Variants in SFI1 observed in about 807,000 individuals in gnomAD.
SFI1 encodes SFI1 centrin binding protein.
SFI1 carries 195 observed loss-of-function variants against 207.5 expected under a neutral mutation model. The ratio of observed to expected loss-of-function variants is 0.94; its 90% CI spans 0.84 to 1.06. SFI1 has a LOEUF of 1.06. SFI1 is among the 50% of genes least tolerant of loss of function. The probability of loss-of-function intolerance (pLI) is 0.00; values close to 1 mark genes in which losing one functional copy is unlikely to be tolerated. For missense variants in SFI1, 1,634 were observed against 1,588.0 expected (o/e 1.03, Z -0.49); for synonymous variants, 630 against 598.9 (o/e 1.05, Z -0.76).
intron 8 of SFI1, among the ~76,000 whole-genome samples, chr22:31,563,997 A>G (rs868504926): frequency 4.4e-4 from 67 of 152,242 alleles, no homozygotes; most frequent in Admixed American, 1.4e-3. Flanking sequence ...GGTATTTCAA[A>G]CATAGAAACA....
intron 27 of SFI1, 63 bp downstream of exon 27, chr22:31,613,918 C>T: frequency 1.3e-6 from 2 of 1,510,398 alleles, no homozygotes; most frequent in East Asian, 4.6e-5. Context: ...GATGGCATAG[C>T]AGGGAGGAAA....
chr22:31,601,186 C>T (rs189368471), intron 15 of SFI1, among the ~76,000 whole-genome samples: 3 of 143,964 alleles, frequency 2.1e-5, no homozygotes, highest in Non-Finnish European at 4.5e-5. Context: ...TGCAGTGGCA[C>T]GATCTCGGCT....
chr22:31,579,537 G>A (rs145944738), intron 11 of SFI1, among the ~76,000 whole-genome samples: 1 of 151,938 alleles, frequency 6.6e-6, no homozygotes, highest in Non-Finnish European at 1.5e-5. Context: ...AGATGGTCTC[G>A]ATCTCCTGAC....
chr22:31,610,827 A>G (rs1003580555), intron 22 of SFI1, among the ~76,000 whole-genome samples: 2 of 152,094 alleles, frequency 1.3e-5, no homozygotes, highest in African/African-American at 4.8e-5. Flanking sequence ...GCCCAGCAGC[A>G]TTTTGCACGT....
At chr22:31,536,749 A>T (rs1355818979) in intron 4 of SFI1, among the ~76,000 whole-genome samples, 2 of 152,068 alleles carry the variant, frequency 1.3e-5, no homozygotes, top group Non-Finnish European at 2.9e-5. Context: ...ATTTATCTAT[A>T]TTTGACCCAT....
At chr22:31,570,728 C>A (rs1030911627) in intron 8 of SFI1, among the ~76,000 whole-genome samples, 2 of 151,822 alleles carry the variant, frequency 1.3e-5, no homozygotes, top group African/African-American at 4.8e-5. Context: ...ATAGAGAGAC[C>A]CCATCTGTTT....
intron 4 of SFI1, among the ~76,000 whole-genome samples, chr22:31,537,183 G>T (rs571631157): frequency 6.6e-6 from 1 of 152,268 alleles, no homozygotes; most frequent in Non-Finnish European, 1.5e-5. Flanking sequence ...GTCCTCATAG[G>T]TAACACTTCG....
In SFI1 at chr22:31,616,731, TCTTTC is replaced by T. The variant is rs750708503; in HGVS notation, c.3301-9_3301-5del. 1.8e-5 allele frequency: 28 copies of T among 1,528,286 alleles called. No homozygotes were observed. The highest frequency in any genetic ancestry group is 2.3e-5 in the Non-Finnish European group (26 of 1,141,442). 94.7% of individuals were successfully genotyped at this position (1,528,286 alleles called of 1,614,324 possible). A position where few individuals can be genotyped will look rare whatever the true frequency, so the allele number is the denominator to read the frequency against. On this transcript the variant is annotated splice_polypyrimidine_tract_variant and intron_variant, in intron 29 of 32. Coordinates refer to ENST00000400288, the MANE Select transcript of SFI1 (RefSeq NM_001007467.3). ...AGCTTCCTTGCTCAGCATCTACCCT[TCTTTC>T]CTTTGCAGGTGTCAGCACAGCGGGC...
rs1053759361 is a variant in SFI1, at chr22:31,615,107, C to T, written c.3128C>T (p.Thr1043Met). The T allele has an allele frequency of 8.1e-6, 13 of 1,606,170 alleles. No individual in the cohort carries two copies. The highest frequency in any genetic ancestry group is 3.4e-5 in the Admixed American group (2 of 58,964). ...GCTCAGCCAGCAGCCCCCTCCCTGACGCGGCCCTTCCTGGCAGAGGCCCCG... is the reference window on the plus strand; with the variant it reads ...GCTCAGCCAGCAGCCCCCTCCCTGATGCGGCCCTTCCTGGCAGAGGCCCCG... ...GMAQPAAPSL[T>M]RPFLAEAPTA... The change falls in exon 29 of 33, where the codon ACG becomes ATG. Residue 1043 changes from threonine (T) to methionine (M), a missense_variant. Physicochemically the swap from Thr to Met is moderately conservative, Grantham distance 81. Coordinates refer to ENST00000400288, the MANE Select transcript of SFI1 (RefSeq NM_001007467.3).
chr22:31,516,663 TAA>T (rs1223489006), intron 2 of SFI1, among the ~76,000 whole-genome samples: 1 of 150,578 alleles, frequency 6.6e-6, no homozygotes, highest in Non-Finnish European at 1.5e-5. Flanking sequence ...TACTAAAAAT[TAA>T]AAAGTCAGGC....
chr22:31,593,177 G>A (rs1316778327), intron 15 of SFI1, among the ~76,000 whole-genome samples: 1 of 150,746 alleles, frequency 6.6e-6, no homozygotes, highest in African/African-American at 2.5e-5. Context: ...CTGCCGGGCG[G>A]AGACGCTCCT....
At chr22:31,524,771 A>G (rs1314393811) in intron 2 of SFI1, among the ~76,000 whole-genome samples, 1 of 149,264 alleles carries the variant, frequency 6.7e-6, no homozygotes, top group Non-Finnish European at 1.5e-5. Flanking sequence ...TCTGTCAGAT[A>G]GTTTGCACAT....
Position 31,615,153 on chromosome 22 carries a change from C to T in SFI1, c.3174C>T (p.Ser1058=), listed in dbSNP as rs745568615. Residue 1058 remains serine (S), a synonymous_variant, in exon 29 of 33, where the codon AGC becomes AGT. Coordinates refer to ENST00000400288, the MANE Select transcript of SFI1 (RefSeq NM_001007467.3). Reference sequence around the variant, plus strand: ...CCCCGACAGCACTGGTCCCACACAGCCCCCTGCCTGGGGCCCTGTCAAGCG... The same window carrying T: ...CCCCGACAGCACTGGTCCCACACAGTCCCCTGCCTGGGGCCCTGTCAAGCG... ...AEAPTALVPH[S]PLPGALSSAP... The T allele has an allele frequency of 5.6e-6, 9 of 1,607,112 alleles. No individual in the cohort carries two copies. The Admixed American group carries it at 1.5e-4, about 27-fold the overall frequency.
intron 4 of SFI1, among the ~76,000 whole-genome samples, chr22:31,542,043 G>T (rs552257861): frequency 8.1e-5 from 12 of 149,024 alleles, no homozygotes; most frequent in Admixed American, 4.1e-4. Context: ...GGAGCTTGCA[G>T]TGAGCCGAGA....
chr22:31,577,329 G>A (rs1477474276), intron 10 of SFI1, among the ~76,000 whole-genome samples: 4 of 152,312 alleles, frequency 2.6e-5, no homozygotes, highest in South Asian at 2.1e-4. Context: ...GTGAGGAAAA[G>A]CATTCAAGAA....
chr22:31,520,385 A>G (rs923263042), intron 2 of SFI1, among the ~76,000 whole-genome samples: 2 of 152,070 alleles, frequency 1.3e-5, no homozygotes, highest in Non-Finnish European at 2.9e-5. Flanking sequence ...ATTATAAGCT[A>G]CTTTCATTGT....
intron 4 of SFI1, among the ~76,000 whole-genome samples, chr22:31,543,448 CTTATTA>C (rs533741799): frequency 2.1e-4 from 32 of 152,066 alleles, no homozygotes; most frequent in Non-Finnish European, 2.8e-4. Context: ...TCACTCTTCT[CTTATTA>C]TTATTATAAG....
At chr22:31,609,896 A>T (rs1346193639) in intron 22 of SFI1, among the ~76,000 whole-genome samples, 1 of 152,182 alleles carries the variant, frequency 6.6e-6, no homozygotes, top group Non-Finnish European at 1.5e-5. Context: ...AGCTGCCTTA[A>T]GGGTCAGGTG....
chr22:31,575,462 C>T (rs773699585), intron 10 of SFI1, 70 bp downstream of exon 10: 29 of 1,413,946 alleles, frequency 2.1e-5, no homozygotes, highest in African/African-American at 1.3e-4. Context: ...GCATGTGAAA[C>T]GAAAGTCATG....
Sources: gnomAD v4.1 joint callset for allele counts (sites outside exome capture counted in the v4.1 genomes callset) on GRCh38, gnomAD v4.1.1 for gene constraint, MANE v1.5 for transcripts, NCBI Gene and HGNC (gene_info 2026-07-23, HGNC 2026-07-21) for gene names.